Variants in KBTBD8 observed in about 807,000 individuals in gnomAD.
KBTBD8 encodes kelch repeat and BTB domain containing 8, also known as kelch repeat and BTB domain-containing protein 8.
A neutral mutation model predicts 53.5 loss-of-function variants in KBTBD8; 31 were observed. The ratio of observed to expected loss-of-function variants is 0.58; its 90% CI spans 0.44 to 0.78. KBTBD8 has a LOEUF of 0.78. Ranked by LOEUF, KBTBD8 falls within the 30% of genes least tolerant of loss-of-function variation. The pLI is 0.00. For synonymous variants in KBTBD8, 250 were observed against 247.3 expected, an observed-to-expected ratio of 1.01 and a Z score of -0.10; for missense variants, 642 against 735.8, an observed-to-expected ratio of 0.87 and a Z score of 1.48.
rs1479783201 is a variant in KBTBD8, at chr3:67,008,084, A to G, written c.1505A>G (p.Tyr502Cys). The change falls in exon 4 of 4, where the codon TAT becomes TGT. Residue 502 changes from tyrosine (Y) to cysteine (C), a missense_variant. By Grantham distance (194) the Tyr-to-Cys change is radical. Transcript: ENST00000417314. Reference sequence around the variant, plus strand: ...CAACGTATGTTTACTGTAGAAGCCTATGATATTGAGCTAAATAAATGGACT... The same window carrying G: ...CAACGTATGTTTACTGTAGAAGCCTGTGATATTGAGCTAAATAAATGGACT... The part of the protein sequence containing the change: ...NHQRMFTVEA[Y>C]DIELNKWTRK... 4 of 1,614,014 alleles carry G rather than the reference A, an allele frequency of 2.5e-6. No homozygotes were observed. Among genetic ancestry groups the G allele is most frequent in the East Asian group, 2.2e-5 (1 of 44,886 alleles).
At chr3:66,998,489 C>T in intron 1 of KBTBD8, 118 bp downstream of exon 1, 1 of 801,856 alleles carries the variant, frequency 1.2e-6, no homozygotes, top group Non-Finnish European at 1.8e-6. Flanking sequence ...AAGGATGAAG[C>T]GGTGGAGGGG....
rs1702043123 is a variant in KBTBD8 at position 67,004,141 on chromosome 3, A to T, written c.1174A>T (p.Met392Leu). The T allele has an allele frequency of 6.2e-7, 1 of 1,614,106 alleles. No homozygotes were observed. The highest frequency in any genetic ancestry group is 8.5e-7 in the Non-Finnish European group (1 of 1,180,034). Reference sequence around the variant, plus strand: ...CAAACTTGTCTATTGCTGTGGTAAAATGTATGCAATCGGAGGTCGTGTTTA... The same window carrying T: ...CAAACTTGTCTATTGCTGTGGTAAATTGTATGCAATCGGAGGTCGTGTTTA... ...GCKLVYCCGKMYAIGGRVYEG... is the reference protein window; with the variant it reads ...GCKLVYCCGKLYAIGGRVYEG... Residue 392 changes from methionine (M) to leucine (L), a missense_variant, in exon 3 of 4, where the codon ATG becomes TTG. Met to Leu is a conservative substitution (Grantham distance 15). Transcript: ENST00000417314.
intron 2 of KBTBD8, among the ~76,000 whole-genome samples, chr3:67,002,512 CTT>C (rs57174511): frequency 2.2e-4 from 20 of 90,356 alleles, no homozygotes; most frequent in African/African-American, 6.7e-4. Flanking sequence ...TATAGGTATT[CTT>C]TTTTTTTTTT....
chr3:66,998,835 C>G (rs1232355305), intron 1 of KBTBD8, 146 bp from the exon 2 acceptor site: 3 of 664,048 alleles, frequency 4.5e-6, no homozygotes, highest in African/African-American at 3.6e-5. Flanking sequence ...ACTCGCGGTC[C>G]CACGAGGTCG....
intron 2 of KBTBD8, among the ~76,000 whole-genome samples, chr3:67,001,519 T>C (rs766605206): frequency 1.8e-4 from 28 of 152,224 alleles, no homozygotes; most frequent in Non-Finnish European, 3.7e-4. Flanking sequence ...GATGAGCCTA[T>C]TCAAGTCAGC....
In KBTBD8 at chr3:67,009,080, G is replaced by A. The variant is rs1702095087; in HGVS notation, c.*695G>A. The A allele has an allele frequency of 6.6e-6, 1 of 152,618 alleles. No individual in the cohort carries two copies. The highest frequency in any genetic ancestry group is 2.4e-5 in the African/African-American group (1 of 41,440). 9.5% of individuals were successfully genotyped at this position (152,618 alleles called of 1,614,324 possible). On this transcript the variant is annotated 3_prime_UTR_variant, in exon 4 of 4. Coordinates refer to ENST00000417314, the MANE Select transcript of KBTBD8 (RefSeq NM_032505.3). ...GTCTCTTTTGTGAAAATCTGGAAAA[G>A]TGCTCATATTCACAGGTGGCTGGTG...
intron 2 of KBTBD8, among the ~76,000 whole-genome samples, chr3:67,001,609 T>G (rs1470712488): frequency 6.6e-6 from 1 of 152,228 alleles, no homozygotes; most frequent in Non-Finnish European, 1.5e-5. Context: ...GCTTTATTTT[T>G]CTTTTTAATT....
intron 1 of KBTBD8, 99 bp from the exon 2 acceptor site, chr3:66,998,882 G>A: frequency 1.1e-6 from 1 of 892,044 alleles, no homozygotes; most frequent in Non-Finnish European, 1.8e-6. Flanking sequence ...TATCTTGTAG[G>A]GGGAAAAAGC....
At chr3:67,001,280 C>T (rs1446857425) in intron 2 of KBTBD8, among the ~76,000 whole-genome samples, 1 of 152,148 alleles carries the variant, frequency 6.6e-6, no homozygotes, top group African/African-American at 2.4e-5. Flanking sequence ...CTTAATGTTT[C>T]TACGTCTTGC....
chr3:67,001,668 A>G (rs1210242246), intron 2 of KBTBD8, among the ~76,000 whole-genome samples: 1 of 152,222 alleles, frequency 6.6e-6, no homozygotes, highest in African/African-American at 2.4e-5. Flanking sequence ...AAACCAGCAC[A>G]TACGTAGGAA....
chr3:67,009,407 C>T lies in KBTBD8; in HGVS notation c.*1022C>T, dbSNP rs1185908496. 6.6e-6 allele frequency: 1 copy of T among 152,610 alleles called. No homozygotes were observed. Among genetic ancestry groups the T allele is most frequent in the Non-Finnish European group, 1.5e-5 (1 of 68,008 alleles). 9.5% of individuals were successfully genotyped at this position (152,610 alleles called of 1,614,324 possible). A position where few individuals can be genotyped will look rare whatever the true frequency, so the allele number is the denominator to read the frequency against. On this transcript the variant is annotated 3_prime_UTR_variant, in exon 4 of 4. Transcript: ENST00000417314. ...TGGTACAAGGAAAGGTAACTTATTTCTCTTCTGCACAGAGCATAATGTGAA... is the reference window on the plus strand; with the variant it reads ...TGGTACAAGGAAAGGTAACTTATTTTTCTTCTGCACAGAGCATAATGTGAA...
intron 2 of KBTBD8, among the ~76,000 whole-genome samples, chr3:67,002,359 A>G (rs1479386297): frequency 6.6e-6 from 1 of 152,182 alleles, no homozygotes; most frequent in South Asian, 2.1e-4. Flanking sequence ...GAGAATATGT[A>G]CTTTTAAAGA....
intron 3 of KBTBD8, among the ~76,000 whole-genome samples, chr3:67,004,808 CTTA>C (rs1477445152): frequency 2.0e-5 from 3 of 152,198 alleles, no homozygotes; most frequent in Non-Finnish European, 4.4e-5. Flanking sequence ...TTATATAAGC[CTTA>C]TTATTGCAAA....
rs1392074533 is a variant in KBTBD8 at position 67,008,743 on chromosome 3, G to C, written c.*358G>C. ...TGGGTAAAGACGTCTAAACTTGTTT[G>C]ATGTGACTTTTAATTTTAAATACGG... On this transcript the variant is annotated 3_prime_UTR_variant, in exon 4 of 4. Coordinates refer to ENST00000417314, the MANE Select transcript of KBTBD8 (RefSeq NM_032505.3). 1 of 190,528 alleles carries C rather than the reference G, an allele frequency of 5.2e-6. No individual in the cohort carries two copies. Among genetic ancestry groups the C allele is most frequent in the Non-Finnish European group, 1.1e-5 (1 of 90,594 alleles). 11.8% of individuals were successfully genotyped at this position (190,528 alleles called of 1,614,324 possible).
intron 3 of KBTBD8, among the ~76,000 whole-genome samples, chr3:67,006,040 T>G (rs1702062000): frequency 6.6e-6 from 1 of 152,222 alleles, no homozygotes; most frequent in South Asian, 2.1e-4. Flanking sequence ...CAGAAGGAGT[T>G]GTACTCTCTG....
chr3:66,998,874 T>C, intron 1 of KBTBD8, 107 bp from the exon 2 acceptor site: 3 of 842,760 alleles, frequency 3.6e-6, no homozygotes, highest in Non-Finnish European at 5.8e-6. Flanking sequence ...TTTGTATATA[T>C]CTTGTAGGGG....
In KBTBD8 at chr3:66,998,380, T is replaced by A. The variant is rs1575578015; in HGVS notation, c.16+9T>A. ...AATGGCCGCGTCGGCAGGTGGGTCG[T>A]GTGGTGGCCAGGGCGGCGTGGAGGG... On this transcript the variant is annotated intron_variant, in intron 1 of 3. Coordinates refer to ENST00000417314, the MANE Select transcript of KBTBD8 (RefSeq NM_032505.3). 1 of 1,272,032 alleles carries A rather than the reference T, an allele frequency of 7.9e-7. No homozygotes were observed. Among genetic ancestry groups the A allele is most frequent in the African/African-American group, 1.6e-5 (1 of 61,416 alleles). The allele number at this position is 1,272,032 out of a possible 1,614,324, so 78.8% of individuals were successfully genotyped here. A position where few individuals can be genotyped will look rare whatever the true frequency, so the allele number is the denominator to read the frequency against.
Position 67,003,678 on chromosome 3 carries a change from T to C in KBTBD8, c.711T>C (p.Ala237=). Residue 237 remains alanine, a synonymous_variant, in exon 3 of 4, where the codon GCT becomes GCC. Transcript: ENST00000417314. ...AAGTGCACCTTCCAGAAATTTTTGC[T>C]AAATGCATACGTTTTCCTCTGATGG... ...EREVHLPEIF[A]KCIRFPLMED... is the part of the protein sequence containing the mutation. The C allele has an allele frequency of 6.2e-7, 1 of 1,614,174 alleles. No homozygotes were observed. The highest frequency in any genetic ancestry group is 8.5e-7 in the Non-Finnish European group (1 of 1,180,030).
At position 67,003,880 on chromosome 3, in the gene KBTBD8, C is replaced by T; in HGVS notation, c.913C>T (p.Pro305Ser). The change falls in exon 3 of 4, where the codon CCT becomes TCT. Residue 305 changes from proline (P) to serine (S), a missense_variant. Coordinates refer to ENST00000417314, the MANE Select transcript of KBTBD8 (RefSeq NM_032505.3). The part of the protein sequence containing the change: ...HKHSGKKQTV[P>S]CLDIVTGRVF... The stretch of plus-strand genomic sequence containing the variant: ...ACACTCAGGAAAGAAGCAAACAGTG[C>T]CTTGTCTAGATATAGTCACAGGAAG... 1 of 1,614,120 alleles carries T rather than the reference C, an allele frequency of 6.2e-7. No homozygotes were observed. The highest frequency in any genetic ancestry group is 8.5e-7 in the Non-Finnish European group (1 of 1,180,016).
Sources: gnomAD v4.1 joint callset for allele counts (sites outside exome capture counted in the v4.1 genomes callset) on GRCh38, gnomAD v4.1.1 for gene constraint, MANE v1.5 for transcripts, NCBI Gene and HGNC (gene_info 2026-07-23, HGNC 2026-07-21) for gene names.